Variants in RUNX1T1 observed in about 807,000 individuals in gnomAD.
RUNX1T1 encodes RUNX1 partner transcriptional co-repressor 1.
Under a neutral mutation model 62.8 loss-of-function variants are expected in RUNX1T1, and 4 were observed. The observed-to-expected ratio is 0.06, with a 90% CI of 0.03 to 0.15. RUNX1T1 has a LOEUF of 0.15. RUNX1T1 is among the 10% of genes least tolerant of loss of function. RUNX1T1 has a pLI of 1.00. For missense variants in RUNX1T1, 508 were observed against 754.3 expected, an observed-to-expected ratio of 0.67 and a Z score of 3.82; for synonymous variants, 291 against 286.0, an observed-to-expected ratio of 1.02 and a Z score of -0.18.
At position 91,986,651 on chromosome 8, in the gene RUNX1T1, C is replaced by T. The variant is rs79849174; in HGVS notation, c.996+236G>A. 2.8e-3 allele frequency among the ~76,000 whole-genome samples: 420 copies of T among 152,274 alleles called. 5 individuals are homozygous for T. The highest frequency in any genetic ancestry group is 8.4e-3 in the African/African-American group (348 of 41,546). On this transcript the variant is annotated intron_variant, in intron 7 of 10. Coordinates refer to ENST00000396218, the Ensembl canonical transcript of RUNX1T1. ...TTTTCACAATAGAACAGTAGCCCAC[C>T]GATCTGGCTTTGAGAATTCCTTTCC...
chr8:92,073,333 G>A (rs529918132), intron 2 of RUNX1T1, among the ~76,000 whole-genome samples: 39 of 152,260 alleles, frequency 2.6e-4, no homozygotes, highest in African/African-American at 9.1e-4. Flanking sequence ...TTCCACCCAA[G>A]CTGGTGGCAT....
intron 1 of RUNX1T1, among the ~76,000 whole-genome samples, chr8:92,059,045 A>G (rs1831484611): frequency 1.3e-5 from 2 of 152,194 alleles, no homozygotes; most frequent in African/African-American, 4.8e-5. Flanking sequence ...ATATTAACAG[A>G]AAAGAATGTA....
exon 11 of RUNX1T1, chr8:91,959,018 A>T (rs1032039423): frequency 4.7e-6 from 1 of 210,698 alleles, no homozygotes. Flanking sequence ...AGCAGCATAG[A>T]AAGATACAGG....
intron 1 of RUNX1T1, among the ~76,000 whole-genome samples, chr8:92,034,797 T>TACACACACACACACACACAC (rs200718439): frequency 1.0e-5 from 1 of 96,850 alleles, no homozygotes; most frequent in African/African-American, 4.3e-5. Flanking sequence ...TATACATATA[T>TACACACACACACACACACAC]ACACACACAC....
intron 10 of RUNX1T1, among the ~76,000 whole-genome samples, chr8:91,969,789 T>C (rs917999651): frequency 2.0e-5 from 3 of 152,180 alleles, no homozygotes; most frequent in Non-Finnish European, 4.4e-5. Flanking sequence ...TAGATATGTA[T>C]TGTAGTAGAC....
exon 11 of RUNX1T1, chr8:91,959,412 T>TGTGTG (rs1554588350): frequency 1.4e-4 from 19 of 139,492 alleles, no homozygotes; most frequent in East Asian, 6.0e-4. Context: ...AGTCTCTTAC[T>TGTGTG]TGTGTGTGTG....
chr8:92,057,340 T>A lies in RUNX1T1; in HGVS notation c.7+5206A>T, dbSNP rs57668225. Among the ~76,000 whole-genome samples, 1,357 of 152,242 alleles carry A rather than the reference T, an allele frequency of 8.9e-3. 16 individuals are homozygous for A. Among genetic ancestry groups the A allele is most frequent in the African/African-American group, 0.031 (1,299 of 41,546 alleles). The stretch of plus-strand genomic sequence containing the variant: ...TAAAATAAGGAAACAAAAAGAGAAT[T>A]CAAAGTCCAGGGAATCCCATCTCTA... On this transcript the variant is annotated intron_variant, in intron 1 of 10. Coordinates refer to ENST00000396218, the Ensembl canonical transcript of RUNX1T1.
At chr8:91,995,825 C>T (rs1182750471) in intron 5 of RUNX1T1, among the ~76,000 whole-genome samples, 1 of 152,168 alleles carries the variant, frequency 6.6e-6, no homozygotes, top group Non-Finnish European at 1.5e-5. Context: ...AAAACTTTCA[C>T]TGTCCACAAA....
chr8:92,057,635 T>C (rs987495239), intron 1 of RUNX1T1, among the ~76,000 whole-genome samples: 3 of 152,186 alleles, frequency 2.0e-5, no homozygotes, highest in Non-Finnish European at 4.4e-5. Flanking sequence ...ATTGGAACTC[T>C]ATGGGTTGAA....
At chr8:91,960,338 G>C in exon 11 of RUNX1T1, 1 of 1,613,590 alleles carries the variant, frequency 6.2e-7, no homozygotes, top group East Asian at 2.2e-5. Context: ...CAGCCCCGCT[G>C]TTGGGCGTGA....
chr8:92,097,232 C>T (rs949572731), intron 1 of RUNX1T1, among the ~76,000 whole-genome samples: 8 of 152,052 alleles, frequency 5.3e-5, no homozygotes, highest in African/African-American at 1.9e-4. Flanking sequence ...AAAAAGTGAC[C>T]AGGTTCAATA....
At chr8:92,059,235 C>A (rs944637399) in intron 1 of RUNX1T1, among the ~76,000 whole-genome samples, 2 of 152,062 alleles carry the variant, frequency 1.3e-5, no homozygotes, top group East Asian at 1.9e-4. Flanking sequence ...AATGGCAAAC[C>A]AACTTGCAAA....
At chr8:92,036,154 A>C (rs1449496832) in intron 1 of RUNX1T1, among the ~76,000 whole-genome samples, 1 of 152,208 alleles carries the variant, frequency 6.6e-6, no homozygotes, top group African/African-American at 2.4e-5. Context: ...CTTATGAAGA[A>C]TTATAATGGC....
rs140479643 is a variant in RUNX1T1, at chr8:92,022,798, G to A, written c.8-5435C>T. 3.5e-3 allele frequency among the ~76,000 whole-genome samples: 538 copies of A among 152,286 alleles called. 4 individuals carry two copies. Among genetic ancestry groups the A allele is most frequent in the Middle Eastern group, 0.014 (4 of 294 alleles). Reference sequence around the variant, plus strand: ...ATGTTTTATGAATAGCATTTTTGCTGAAACACAAATAGGATCTTACCTATT... The same window carrying A: ...ATGTTTTATGAATAGCATTTTTGCTAAAACACAAATAGGATCTTACCTATT... On this transcript the variant is annotated intron_variant, in intron 1 of 10. Coordinates refer to ENST00000396218, the Ensembl canonical transcript of RUNX1T1.
At chr8:92,041,309 C>T (rs1209662755) in intron 1 of RUNX1T1, among the ~76,000 whole-genome samples, 4 of 152,194 alleles carry the variant, frequency 2.6e-5, no homozygotes, top group Non-Finnish European at 5.9e-5. Flanking sequence ...CAATAACCCA[C>T]CATCAAATAC....
chr8:91,975,191 T>G (rs1049829455), intron 9 of RUNX1T1, among the ~76,000 whole-genome samples: 2 of 152,196 alleles, frequency 1.3e-5, no homozygotes, highest in African/African-American at 4.8e-5. Flanking sequence ...GCTAGGTGGT[T>G]CCACCAAAAT....
intron 2 of RUNX1T1, chr8:92,071,278 C>A (rs149908160): frequency 6.6e-6 from 1 of 151,924 alleles, no homozygotes; most frequent in Non-Finnish European, 1.5e-5. Context: ...ATTCCAAAAC[C>A]GCCTCATAAA....
intron 5 of RUNX1T1, 67 bp from the exon 7 acceptor site, chr8:91,991,956 A>AT (rs981966974): frequency 1.3e-6 from 2 of 1,525,554 alleles, no homozygotes; most frequent in African/African-American, 2.8e-5. Flanking sequence ...TCAGTCACTC[A>AT]TATTTGAGCT....
At chr8:92,039,845 A>C (rs975473452) in intron 1 of RUNX1T1, among the ~76,000 whole-genome samples, 1 of 152,046 alleles carries the variant, frequency 6.6e-6, no homozygotes, top group African/African-American at 2.4e-5. Context: ...GTACTTCTAG[A>C]GCCTGTACCT....
Sources: gnomAD v4.1 joint callset for allele counts (sites outside exome capture counted in the v4.1 genomes callset) on GRCh38, gnomAD v4.1.1 for gene constraint, MANE v1.5 for transcripts, NCBI Gene and HGNC (gene_info 2026-07-23, HGNC 2026-07-21) for gene names.